The following HPCAL1 variants were observed in gnomAD, a reference collection of about 807,000 sequenced individuals.
The protein encoded by HPCAL1 is hippocalcin like 1.
In HPCAL1, 8 loss-of-function variants were observed where a neutral mutation model predicts 17.1. The ratio of observed to expected loss-of-function variants is 0.47; its 90% CI spans 0.27 to 0.84. The LOEUF is 0.84. Ranked by LOEUF, HPCAL1 falls within the 40% of genes least tolerant of loss-of-function variation. HPCAL1 has a pLI of 0.13. For synonymous variants in HPCAL1, 112 were observed against 111.4 expected (o/e 1.01, Z -0.03); for missense variants, 165 against 271.1 (o/e 0.61, Z 2.75).
chr2:10,375,430 C>A (rs1667494624), intron 1 of HPCAL1, among the ~76,000 whole-genome samples: 1 of 152,174 alleles, frequency 6.6e-6, no homozygotes, highest in Non-Finnish European at 1.5e-5. Flanking sequence ...CAACAGCTCC[C>A]TGTGCATCAG....
intron 1 of HPCAL1, among the ~76,000 whole-genome samples, chr2:10,372,298 A>G (rs1474051556): frequency 7.4e-6 from 1 of 135,002 alleles, no homozygotes; most frequent in East Asian, 2.2e-4. Flanking sequence ...GGGAAGCCCC[A>G]TGGGGGCCCC....
chr2:10,326,481 A>C (rs1664025832), intron 1 of HPCAL1, among the ~76,000 whole-genome samples: 1 of 151,976 alleles, frequency 6.6e-6, no homozygotes. Flanking sequence ...TGTTGGCTGG[A>C]GACTTGTGGG....
rs34031495 is a variant in HPCAL1 at position 10,409,777 on chromosome 2, C to CT, written c.-24-9927dup. 8.7e-3 allele frequency among the ~76,000 whole-genome samples: 544 copies of CT among 62,516 alleles called. 70 individuals are homozygous for CT. The highest frequency in any genetic ancestry group is 0.016 in the Admixed American group (74 of 4,750). The allele number at this position is 62,516 out of a possible 152,430, so 41.0% of individuals were successfully genotyped here. Reference sequence around the variant, plus strand: ...CTCCAGCCTCTTCCTGAGCCTCAGTCTTTTTTTTTTTTTTTTTTTTTTTTT... The same window carrying CT: ...CTCCAGCCTCTTCCTGAGCCTCAGTCTTTTTTTTTTTTTTTTTTTTTTTTTT... On this transcript the variant is annotated intron_variant, in intron 2 of 4. Coordinates refer to ENST00000307845, the MANE Select transcript of HPCAL1 (RefSeq NM_002149.4).
chr2:10,342,103 G>A lies in HPCAL1; in HGVS notation c.-111+38926G>A, dbSNP rs1339922402. The stretch of plus-strand genomic sequence containing the variant: ...AAGGATGACTTGAGCCCAGGAGGTT[G>A]AGGCTACAGTGAGCTCTGATTGTGC... On this transcript the variant is annotated intron_variant, in intron 1 of 4. Coordinates refer to ENST00000307845, the MANE Select transcript of HPCAL1 (RefSeq NM_002149.4). The surrounding 1 kb of genome is among the most constrained non-coding windows in gnomAD (Gnocchi z 4.1). 1.3e-5 allele frequency among the ~76,000 whole-genome samples: 2 copies of A among 152,132 alleles called. No homozygotes were observed. The highest frequency in any genetic ancestry group is 3.9e-4 in the East Asian group (2 of 5,170).
rs1333980259 is a variant in HPCAL1, at chr2:10,321,531, A to G, written c.-111+18354A>G. Among the ~76,000 whole-genome samples, 4 of 152,268 alleles carry G rather than the reference A, an allele frequency of 2.6e-5. No homozygotes were observed. The East Asian group carries it at 5.8e-4, about 22-fold the overall frequency. Reference sequence around the variant, plus strand: ...AATGTACAATTCAGTTGCTTTTAGTATACTGGCAAAGTTGAGCACCAGTAG... The same window carrying G: ...AATGTACAATTCAGTTGCTTTTAGTGTACTGGCAAAGTTGAGCACCAGTAG... On this transcript the variant is annotated intron_variant, in intron 1 of 4. Coordinates refer to ENST00000307845, the MANE Select transcript of HPCAL1 (RefSeq NM_002149.4).
intron 1 of HPCAL1, among the ~76,000 whole-genome samples, chr2:10,379,806 A>G (rs1667829626): frequency 6.6e-6 from 1 of 152,234 alleles, no homozygotes; most frequent in Non-Finnish European, 1.5e-5. Context: ...AGAGTCGTCC[A>G]TTCATGAGAG....
At chr2:10,405,222 C>T (rs576334665) in intron 2 of HPCAL1, among the ~76,000 whole-genome samples, 25 of 152,344 alleles carry the variant, frequency 1.6e-4, no homozygotes, top group African/African-American at 5.3e-4. Context: ...CCTGGGTCTG[C>T]GGGCTGCTCC....
intron 2 of HPCAL1, among the ~76,000 whole-genome samples, chr2:10,409,310 C>T (rs3771129): frequency 0.21 from 32,357 of 152,086 alleles, 3,846 homozygotes; most frequent in Admixed American, 0.26. Flanking sequence ...CCTCTAGCGT[C>T]GGCCCAGCCA....
intron 1 of HPCAL1, among the ~76,000 whole-genome samples, chr2:10,353,114 C>T (rs1665928778): frequency 6.6e-6 from 1 of 152,194 alleles, no homozygotes; most frequent in Admixed American, 6.5e-5. Context: ...GTTCTCATTT[C>T]TGCTGTCAAT....
At chr2:10,373,683 C>A (rs1288506338) in intron 1 of HPCAL1, among the ~76,000 whole-genome samples, 1 of 152,060 alleles carries the variant, frequency 6.6e-6, no homozygotes, top group Non-Finnish European at 1.5e-5. Context: ...CAGCCTCGAG[C>A]AGCTGCCCCC....
At chr2:10,322,531 G>A (rs1180455124) in intron 1 of HPCAL1, among the ~76,000 whole-genome samples, 1 of 152,260 alleles carries the variant, frequency 6.6e-6, no homozygotes, top group Admixed American at 6.5e-5. Context: ...GGCCCAGTGA[G>A]TTTAGGCCTC....
chr2:10,335,646 G>C (rs1558466533), intron 1 of HPCAL1, among the ~76,000 whole-genome samples: 1 of 152,152 alleles, frequency 6.6e-6, no homozygotes, highest in Non-Finnish European at 1.5e-5. Flanking sequence ...TTTAGCAGTG[G>C]AATTGCCAGG....
intron 1 of HPCAL1, among the ~76,000 whole-genome samples, chr2:10,358,159 C>T (rs1404588930): frequency 2.0e-5 from 3 of 152,248 alleles, no homozygotes; most frequent in African/African-American, 4.8e-5. Flanking sequence ...TGGATGATTC[C>T]GGCCCCACTT....
At chr2:10,379,554 T>TC (rs1667812610) in intron 1 of HPCAL1, among the ~76,000 whole-genome samples, 2 of 152,050 alleles carry the variant, frequency 1.3e-5, no homozygotes, top group Non-Finnish European at 1.5e-5. Context: ...TGGCCCGGCC[T>TC]CCAAGGCCTT....
chr2:10,319,297 C>T (rs992875134), intron 1 of HPCAL1, among the ~76,000 whole-genome samples: 1 of 152,204 alleles, frequency 6.6e-6, no homozygotes, highest in Non-Finnish European at 1.5e-5. Context: ...ATAGGAGAGG[C>T]CTGGAGGCTT....
At chr2:10,373,959 G>A (rs1461998569) in intron 1 of HPCAL1, among the ~76,000 whole-genome samples, 2 of 152,216 alleles carry the variant, frequency 1.3e-5, no homozygotes, top group African/African-American at 4.8e-5. Flanking sequence ...GGGTCAGGAG[G>A]TCTGTTTTTA....
chr2:10,313,417 G>A (rs971200565), intron 1 of HPCAL1, among the ~76,000 whole-genome samples: 5 of 152,238 alleles, frequency 3.3e-5, no homozygotes, highest in Non-Finnish European at 7.3e-5. Context: ...TTCCTTAACT[G>A]TAGGATGGCG....
chr2:10,378,117 T>C (rs947717616), intron 1 of HPCAL1, among the ~76,000 whole-genome samples: 3 of 151,832 alleles, frequency 2.0e-5, no homozygotes, highest in Admixed American at 2.0e-4. Flanking sequence ...GTTTAGGACA[T>C]GGCGGGACCC....
intron 2 of HPCAL1, among the ~76,000 whole-genome samples, chr2:10,411,480 T>G (rs1169115438): frequency 6.6e-6 from 1 of 152,232 alleles, no homozygotes; most frequent in African/African-American, 2.4e-5. Flanking sequence ...TCCTGCAGCC[T>G]TTGAAATCCT....
Sources: allele counts gnomAD v4.1 joint callset (sites outside exome capture counted in the v4.1 genomes callset), GRCh38; gene constraint gnomAD v4.1.1; non-coding constraint Gnocchi (gnomAD v3.1); transcripts MANE v1.5; gene names NCBI Gene and HGNC (gene_info 2026-07-23, HGNC 2026-07-21).